UNC5C: variants seen among roughly 807,000 people sequenced by gnomAD.
UNC5C encodes unc-5 netrin receptor C.
UNC5C carries 47 observed loss-of-function variants against 99.8 expected under a neutral mutation model. That is an observed-to-expected ratio of 0.47 (90% CI 0.37 to 0.60). The LOEUF is 0.60. UNC5C is among the 20% of genes least tolerant of loss of function. The pLI is 0.00. For synonymous variants in UNC5C, 487 were observed against 452.2 expected, an observed-to-expected ratio of 1.08 and a Z score of -0.98; for missense variants, 1,062 against 1,165.9, an observed-to-expected ratio of 0.91 and a Z score of 1.30.
At chr4:95,325,122 G>A (rs1007239951) in intron 2 of UNC5C, among the ~76,000 whole-genome samples, 1 of 152,162 alleles carries the variant, frequency 6.6e-6, no homozygotes, top group Non-Finnish European at 1.5e-5. Context: ...ATGTGGTAAA[G>A]GTGAAACTAT....
chr4:95,332,620 A>G (rs1380342302), intron 2 of UNC5C, among the ~76,000 whole-genome samples: 1 of 151,510 alleles, frequency 6.6e-6, no homozygotes, highest in East Asian at 2.0e-4. Flanking sequence ...TAAAAACCCT[A>G]GAAGAAAACC....
intron 1 of UNC5C, among the ~76,000 whole-genome samples, chr4:95,525,351 G>A (rs189002919): frequency 2.6e-3 from 401 of 152,070 alleles, no homozygotes; most frequent in Middle Eastern, 0.01. Context: ...TTATAACTTT[G>A]CAGAACTACG....
chr4:95,356,070 G>C (rs1744175081), intron 1 of UNC5C, among the ~76,000 whole-genome samples: 1 of 151,464 alleles, frequency 6.6e-6, no homozygotes, highest in East Asian at 2.0e-4. Context: ...CCCACCTGTA[G>C]TTACAGCTAC....
chr4:95,250,462 A>AT, intron 5 of UNC5C, 25 bp downstream of exon 5: 2 of 1,607,916 alleles, frequency 1.2e-6, no homozygotes, highest in Non-Finnish European at 1.7e-6. Flanking sequence ...CATGAACTAG[A>AT]TTGAGACCCT....
intron 1 of UNC5C, among the ~76,000 whole-genome samples, chr4:95,435,680 G>T (rs921531067): frequency 6.6e-6 from 1 of 151,984 alleles, no homozygotes; most frequent in African/African-American, 2.4e-5. Context: ...ACAATTTTCT[G>T]TCTGATTTCA....
At chr4:95,448,179 G>A (rs571963889) in intron 1 of UNC5C, among the ~76,000 whole-genome samples, 208 of 144,196 alleles carry the variant, frequency 1.4e-3, no homozygotes, top group African/African-American at 5.2e-3. Flanking sequence ...AAGTATTCAA[G>A]TTTTGCTAAT....
At chr4:95,273,401 A>G (rs1183265022) in intron 4 of UNC5C, among the ~76,000 whole-genome samples, 1 of 152,238 alleles carries the variant, frequency 6.6e-6, no homozygotes, top group African/African-American at 2.4e-5. Context: ...ATAATCTGAT[A>G]AAGCATCTCG....
chr4:95,516,038 T>A (rs1722209894), intron 1 of UNC5C, among the ~76,000 whole-genome samples: 1 of 152,132 alleles, frequency 6.6e-6, no homozygotes, highest in African/African-American at 2.4e-5. Context: ...ACAAATCAAG[T>A]AAAAAATTAA....
intron 1 of UNC5C, among the ~76,000 whole-genome samples, chr4:95,410,770 A>G (rs1027101155): frequency 6.6e-6 from 1 of 152,154 alleles, no homozygotes; most frequent in Non-Finnish European, 1.5e-5. Flanking sequence ...AAATGACAGC[A>G]TTCAAATGTG....
intron 4 of UNC5C, among the ~76,000 whole-genome samples, chr4:95,266,802 T>C (rs1197478862): frequency 6.6e-6 from 1 of 152,234 alleles, no homozygotes; most frequent in Non-Finnish European, 1.5e-5. Flanking sequence ...TTTATTTATT[T>C]ACAGTATCAG....
At chr4:95,398,304 T>C (rs566062737) in intron 1 of UNC5C, among the ~76,000 whole-genome samples, 3 of 152,202 alleles carry the variant, frequency 2.0e-5, no homozygotes, top group South Asian at 2.1e-4. Context: ...TTTACCAAAG[T>C]TGAAACCAAG....
chr4:95,291,410 A>T (rs1408301231), intron 3 of UNC5C, among the ~76,000 whole-genome samples: 1 of 152,204 alleles, frequency 6.6e-6, no homozygotes, highest in East Asian at 1.9e-4. Context: ...TTTAGCCATA[A>T]ACTTCACTTT....
chr4:95,181,533 A>G (rs1285065733), intron 14 of UNC5C, among the ~76,000 whole-genome samples: 2 of 151,904 alleles, frequency 1.3e-5, no homozygotes, highest in Non-Finnish European at 2.9e-5. Context: ...TGGTTATTGA[A>G]CTTTGCAGAC....
At chr4:95,190,951 A>G (rs995292326) in intron 12 of UNC5C, among the ~76,000 whole-genome samples, 7 of 152,176 alleles carry the variant, frequency 4.6e-5, no homozygotes, top group African/African-American at 1.2e-4. Flanking sequence ...ACAATAACCA[A>G]TTAAACCAAG....
At chr4:95,236,903 C>T (rs192692367) in intron 7 of UNC5C, among the ~76,000 whole-genome samples, 3 of 152,094 alleles carry the variant, frequency 2.0e-5, no homozygotes, top group Admixed American at 1.3e-4. Context: ...ACATAGTTGG[C>T]ATACAGCTGC....
intron 12 of UNC5C, among the ~76,000 whole-genome samples, chr4:95,189,811 G>A (rs962887542): frequency 6.6e-6 from 1 of 152,220 alleles, no homozygotes; most frequent in Non-Finnish European, 1.5e-5. Context: ...ACACCAGTTA[G>A]AATGGTGATC....
At chr4:95,234,723 A>G (rs892408108) in intron 7 of UNC5C, among the ~76,000 whole-genome samples, 1 of 152,146 alleles carries the variant, frequency 6.6e-6, no homozygotes, top group Admixed American at 6.5e-5. Context: ...CAAGGCATTG[A>G]TTATCTCCAG....
At chr4:95,257,629 T>C (rs1292004551) in intron 4 of UNC5C, among the ~76,000 whole-genome samples, 1 of 152,192 alleles carries the variant, frequency 6.6e-6, no homozygotes, top group South Asian at 2.1e-4. Context: ...GAAAGGATAA[T>C]GATTCAGATT....
At chr4:95,222,115 G>C (rs2149369135) in intron 7 of UNC5C, 1 of 858,056 alleles carries the variant, frequency 1.2e-6, no homozygotes, top group East Asian at 3.0e-5. Context: ...TATTTCCTGT[G>C]TGCACATCTG....
Sources: allele counts gnomAD v4.1 joint callset (sites outside exome capture counted in the v4.1 genomes callset), GRCh38; gene constraint gnomAD v4.1.1; transcripts MANE v1.5; gene names NCBI Gene and HGNC (gene_info 2026-07-23, HGNC 2026-07-21).